FOXN3: variants seen among roughly 807,000 people sequenced by gnomAD.
The protein encoded by FOXN3 is forkhead box N3, also known as forkhead box protein N3.
In FOXN3, 7 loss-of-function variants were observed where a neutral mutation model predicts 38.4. That is an observed-to-expected ratio of 0.18 (90% CI 0.10 to 0.34). FOXN3 has a LOEUF of 0.34. FOXN3 is among the 10% of genes least tolerant of loss of function. The pLI, the probability that FOXN3 is intolerant of heterozygous loss-of-function variation, is 1.00. For synonymous variants in FOXN3, 230 were observed against 242.2 expected (o/e 0.95, Z 0.47); for missense variants, 456 against 613.4 (o/e 0.74, Z 2.71).
At chr14:89,615,116 A>T (rs117950797) in intron 1 of FOXN3, among the ~76,000 whole-genome samples, 225 of 106,732 alleles carry the variant, frequency 2.1e-3, no homozygotes, top group Admixed American at 2.9e-3. Flanking sequence ...CCCAATTTCG[A>T]TTTTTTTTTT....
At chr14:89,531,214 G>T (rs796706444) in intron 1 of FOXN3, among the ~76,000 whole-genome samples, 1 of 151,422 alleles carries the variant, frequency 6.6e-6, no homozygotes, top group African/African-American at 2.4e-5. Context: ...GCAGTCCCGT[G>T]GCTGTAAAGA....
At chr14:89,191,948 G>GTATATATATATATA (rs566312671) in intron 4 of FOXN3, among the ~76,000 whole-genome samples, 29 of 117,948 alleles carry the variant, frequency 2.5e-4, no homozygotes, top group African/African-American at 1.4e-3. Flanking sequence ...ACTGATATTA[G>GTATATATATATATA]TATATATATA....
At chr14:89,562,785 A>G (rs188048204) in intron 1 of FOXN3, among the ~76,000 whole-genome samples, 1 of 152,364 alleles carries the variant, frequency 6.6e-6, no homozygotes, top group East Asian at 1.9e-4. Flanking sequence ...ATGAGGAGGT[A>G]TCAAAAGAAA....
rs555684550 is a variant in FOXN3 at position 89,451,728 on chromosome 14, T to C, written c.-14-39238A>G. Among the ~76,000 whole-genome samples, 3 of 152,324 alleles carry C rather than the reference T, an allele frequency of 2.0e-5. No individual in the cohort carries two copies. In the East Asian group the frequency reaches 5.8e-4, roughly 29 times the overall value. On this transcript the variant is annotated intron_variant, in intron 1 of 6. Transcript: ENST00000345097. ...CAGATTCACTTTTTTTATCTTCGAC[T>C]GTATTCGCTCACTATCCATTTGAAA...
chr14:89,261,838 G>A (rs1392793202), intron 4 of FOXN3, among the ~76,000 whole-genome samples: 2 of 152,246 alleles, frequency 1.3e-5, no homozygotes, highest in Non-Finnish European at 2.9e-5. Context: ...TGAGGCAGGA[G>A]AATGGTATGA....
At chr14:89,328,943 G>C (rs1409011106) in intron 3 of FOXN3, among the ~76,000 whole-genome samples, 1 of 152,200 alleles carries the variant, frequency 6.6e-6, no homozygotes, top group Non-Finnish European at 1.5e-5. Flanking sequence ...TGGCACAGAA[G>C]GAAAAGAGGA....
chr14:89,581,682 T>C (rs1364537525), intron 1 of FOXN3, among the ~76,000 whole-genome samples: 4 of 152,128 alleles, frequency 2.6e-5, no homozygotes, highest in Admixed American at 2.6e-4. Context: ...AGCATCCACA[T>C]GCTAAGCTAT....
At chr14:89,426,768 G>T (rs934309086) in intron 1 of FOXN3, among the ~76,000 whole-genome samples, 5 of 152,104 alleles carry the variant, frequency 3.3e-5, no homozygotes, top group Non-Finnish European at 7.4e-5. Flanking sequence ...GAGAGGTTTG[G>T]CCACTTGCTC....
At chr14:89,352,995 C>T (rs1941408265) in intron 2 of FOXN3, among the ~76,000 whole-genome samples, 1 of 152,146 alleles carries the variant, frequency 6.6e-6, no homozygotes, top group African/African-American at 2.4e-5. Flanking sequence ...CATCTCAAAA[C>T]AAATAAATAC....
At chr14:89,360,767 TACCACCTCC>T (rs1889496046) in intron 2 of FOXN3, among the ~76,000 whole-genome samples, 11 of 17,796 alleles carry the variant, frequency 6.2e-4, no homozygotes, top group Admixed American at 1.2e-3. Flanking sequence ...CCTCCACCAC[TACCACCTCC>T]ACCACCACCT....
intron 1 of FOXN3, among the ~76,000 whole-genome samples, chr14:89,456,210 A>AT (rs1342397387): frequency 1.3e-5 from 2 of 151,310 alleles, no homozygotes; most frequent in African/African-American, 4.9e-5. Context: ...AAAAAAAAAA[A>AT]AAAACTAACC....
At chr14:89,356,696 A>G (rs1889241912) in intron 2 of FOXN3, 1 of 152,150 alleles carries the variant, frequency 6.6e-6, no homozygotes, top group Non-Finnish European at 1.5e-5. Context: ...TCATACGCTC[A>G]TGCATTCATT....
chr14:89,588,486 C>T (rs1287892231), intron 1 of FOXN3, among the ~76,000 whole-genome samples: 2 of 152,158 alleles, frequency 1.3e-5, no homozygotes, highest in East Asian at 3.8e-4. Context: ...ACCATCAACA[C>T]CGCCCGATAG....
intron 3 of FOXN3, among the ~76,000 whole-genome samples, chr14:89,338,421 T>C (rs1888525748): frequency 6.6e-6 from 1 of 152,234 alleles, no homozygotes; most frequent in Non-Finnish European, 1.5e-5. Flanking sequence ...TTCACAGATC[T>C]TAAATCTAGG....
At chr14:89,191,957 TATATACAC>T (rs1489312876) in intron 4 of FOXN3, among the ~76,000 whole-genome samples, 1 of 71,912 alleles carries the variant, frequency 1.4e-5, no homozygotes, top group African/African-American at 9.6e-5. Context: ...AGTATATATA[TATATACAC>T]ATATATATAA....
At chr14:89,179,393 A>G (rs926356033) in intron 5 of FOXN3, among the ~76,000 whole-genome samples, 5 of 152,186 alleles carry the variant, frequency 3.3e-5, no homozygotes, top group African/African-American at 1.2e-4. Context: ...CCTCAGGCCC[A>G]GCTAAACACA....
chr14:89,317,271 C>A (rs1433113940), intron 3 of FOXN3, among the ~76,000 whole-genome samples: 1 of 152,218 alleles, frequency 6.6e-6, no homozygotes, highest in Non-Finnish European at 1.5e-5. Context: ...CAGCAGCTCA[C>A]TCAAGGTAAC....
chr14:89,167,836 C>T (rs577545914), intron 5 of FOXN3, among the ~76,000 whole-genome samples: 1 of 152,202 alleles, frequency 6.6e-6, no homozygotes, highest in East Asian at 1.9e-4. Flanking sequence ...TTCTCTATAG[C>T]GAACGTCTGC....
chr14:89,288,389 T>A (rs1226540154), intron 3 of FOXN3, among the ~76,000 whole-genome samples: 1 of 152,194 alleles, frequency 6.6e-6, no homozygotes, highest in Non-Finnish European at 1.5e-5. Flanking sequence ...AGTTCTTGTA[T>A]GCCCAATACC....
Sources: gnomAD v4.1 joint callset for allele counts (sites outside exome capture counted in the v4.1 genomes callset) on GRCh38, gnomAD v4.1.1 for gene constraint, MANE v1.5 for transcripts, NCBI Gene and HGNC (gene_info 2026-07-23, HGNC 2026-07-21) for gene names.